DLGAP2: variants seen among roughly 807,000 people sequenced by gnomAD.
DLGAP2 encodes DLG associated protein 2.
DLGAP2 carries 26 observed loss-of-function variants against 100.3 expected under a neutral mutation model. The ratio of observed to expected loss-of-function variants is 0.26; its 90% CI spans 0.19 to 0.36. The LOEUF (loss-of-function observed/expected upper bound fraction) is 0.36, where lower values mean the gene tolerates loss of function less well. DLGAP2 is among the 10% of genes least tolerant of loss of function. The probability of loss-of-function intolerance (pLI) is 1.00; values close to 1 mark genes in which losing one functional copy is unlikely to be tolerated. For synonymous variants in DLGAP2, 886 were observed against 630.1 expected, an observed-to-expected ratio of 1.41 and a Z score of -6.08; for missense variants, 1,858 against 1,453.2, an observed-to-expected ratio of 1.28 and a Z score of -4.53.
chr8:1,171,392 A>G (rs1194737754), intron 2 of DLGAP2, among the ~76,000 whole-genome samples: 2 of 152,154 alleles, frequency 1.3e-5, no homozygotes, highest in Non-Finnish European at 2.9e-5. Flanking sequence ...GTAGATGTCT[A>G]TTAGGTCCGC....
chr8:1,285,665 G>A (rs924943921), intron 3 of DLGAP2, among the ~76,000 whole-genome samples: 1 of 152,170 alleles, frequency 6.6e-6, no homozygotes, highest in South Asian at 2.1e-4. Flanking sequence ...TGAAGTGATA[G>A]GCCATAAATA....
At chr8:1,074,866 G>C (rs1324960685) in intron 2 of DLGAP2, among the ~76,000 whole-genome samples, 2 of 152,178 alleles carry the variant, frequency 1.3e-5, no homozygotes, top group East Asian at 3.9e-4. Context: ...AGGTCACTGG[G>C]TCATCACCAG....
intron 1 of DLGAP2, among the ~76,000 whole-genome samples, chr8:784,474 T>C (rs898517050): frequency 6.6e-6 from 1 of 152,234 alleles, no homozygotes; most frequent in Admixed American, 6.5e-5. Context: ...CAAAAATGAA[T>C]ACTGTAATAT....
chr8:1,453,000 A>G (rs1358163064), intron 3 of DLGAP2, among the ~76,000 whole-genome samples: 1 of 152,196 alleles, frequency 6.6e-6, no homozygotes, highest in Non-Finnish European at 1.5e-5. Context: ...TGAGAAGTCC[A>G]CAATTCAAAG....
intron 2 of DLGAP2, among the ~76,000 whole-genome samples, chr8:1,036,907 A>G (rs1802141848): frequency 6.6e-6 from 1 of 152,172 alleles, no homozygotes; most frequent in South Asian, 2.1e-4. Flanking sequence ...TTAGGATACC[A>G]GAAGGTGTGA....
At chr8:1,499,139 A>G (rs948467730) in intron 3 of DLGAP2, among the ~76,000 whole-genome samples, 1 of 152,226 alleles carries the variant, frequency 6.6e-6, no homozygotes, top group African/African-American at 2.4e-5. Context: ...TGTTCTCAAG[A>G]TAATTAGGTG....
chr8:1,173,625 G>T (rs114214683), intron 2 of DLGAP2, among the ~76,000 whole-genome samples: 5,285 of 152,236 alleles, frequency 0.035, 143 homozygotes, highest in East Asian at 0.15. Context: ...CGCCTAGTTT[G>T]ATCTTAGACT....
chr8:1,390,638 C>T (rs1796328649), intron 3 of DLGAP2, among the ~76,000 whole-genome samples: 3 of 152,144 alleles, frequency 2.0e-5, no homozygotes, highest in Admixed American at 6.5e-5. Flanking sequence ...ACTGCAGTCC[C>T]GTCCACCTCT....
At chr8:757,523 G>A (rs1052474790) in intron 1 of DLGAP2, among the ~76,000 whole-genome samples, 3 of 152,136 alleles carry the variant, frequency 2.0e-5, no homozygotes, top group South Asian at 4.1e-4. Flanking sequence ...TCCTAAGCAT[G>A]AGCCTTTGCT....
rs147310468 is a variant in DLGAP2, at chr8:1,474,679, G to A, written c.107-26687G>A. 6.8e-3 allele frequency among the ~76,000 whole-genome samples: 1,032 copies of A among 152,258 alleles called. 7 individuals carry two copies. Among genetic ancestry groups the A allele is most frequent in the Non-Finnish European group, 0.011 (739 of 68,014 alleles). On this transcript the variant is annotated intron_variant, in intron 3 of 14. Transcript: ENST00000637795. Reference sequence around the variant, plus strand: ...GCAAATCAAAACCACAGTAAGATACGATCTCACATCAGTCAAAAATGGCTT... The same window carrying A: ...GCAAATCAAAACCACAGTAAGATACAATCTCACATCAGTCAAAAATGGCTT...
chr8:1,561,704 A>C (rs1458364930), intron 5 of DLGAP2, among the ~76,000 whole-genome samples: 1 of 134,738 alleles, frequency 7.4e-6, no homozygotes, highest in African/African-American at 2.9e-5. Flanking sequence ...TTACTGGGGG[A>C]CTGTGTGGTG....
intron 1 of DLGAP2, among the ~76,000 whole-genome samples, chr8:833,653 T>C (rs1271701942): frequency 6.6e-6 from 1 of 152,174 alleles, no homozygotes; most frequent in African/African-American, 2.4e-5. Flanking sequence ...CTTTGCAAAG[T>C]CCCTCTGCCA....
intron 2 of DLGAP2, among the ~76,000 whole-genome samples, chr8:919,126 G>A (rs745454121): frequency 6.6e-6 from 1 of 152,136 alleles, no homozygotes; most frequent in African/African-American, 2.4e-5. Flanking sequence ...GCTCTATTTT[G>A]AGAGTAAAAA....
intron 3 of DLGAP2, among the ~76,000 whole-genome samples, chr8:1,350,414 G>A (rs537325925): frequency 1.9e-4 from 18 of 92,330 alleles, no homozygotes; most frequent in African/African-American, 6.7e-4. Flanking sequence ...CTGACTGTGC[G>A]TGGAAAGGCC....
intron 2 of DLGAP2, among the ~76,000 whole-genome samples, chr8:936,140 G>T (rs1225524484): frequency 6.6e-6 from 1 of 152,160 alleles, no homozygotes; most frequent in South Asian, 2.1e-4. Flanking sequence ...GTGTGTCGCT[G>T]AGTCACAGTC....
At chr8:1,192,118 C>G (rs553052164) in intron 2 of DLGAP2, among the ~76,000 whole-genome samples, 15 of 152,212 alleles carry the variant, frequency 9.9e-5, no homozygotes, top group African/African-American at 3.6e-4. Flanking sequence ...ATGGCTTTCT[C>G]CTCTCGTACG....
At chr8:890,508 C>T (rs1304196279) in intron 1 of DLGAP2, among the ~76,000 whole-genome samples, 1 of 151,888 alleles carries the variant, frequency 6.6e-6, no homozygotes. Context: ...TCCTCTGCTC[C>T]GCCTTGCCAG....
intron 6 of DLGAP2, among the ~76,000 whole-genome samples, chr8:1,587,265 A>G (rs1398383980): frequency 1.3e-5 from 2 of 152,318 alleles, no homozygotes; most frequent in African/African-American, 2.4e-5. Context: ...GGAGATTTTT[A>G]TAGATTTGCT....
intron 2 of DLGAP2, among the ~76,000 whole-genome samples, chr8:1,058,981 G>T (rs575303563): frequency 5.7e-4 from 87 of 152,166 alleles, no homozygotes; most frequent in Non-Finnish European, 1.1e-3. Flanking sequence ...GCATCTCAGG[G>T]CTGTACCTTG....
Sources: gnomAD v4.1 joint callset for allele counts (sites outside exome capture counted in the v4.1 genomes callset) on GRCh38, gnomAD v4.1.1 for gene constraint, MANE v1.5 for transcripts, NCBI Gene and HGNC (gene_info 2026-07-23, HGNC 2026-07-21) for gene names.